The following CSMD1 variants were observed in gnomAD, a reference collection of about 807,000 sequenced individuals.
CSMD1 encodes the protein CUB and sushi domain-containing protein 1.
CSMD1 carries 213 observed loss-of-function variants against 417.5 expected under a neutral mutation model. The observed-to-expected ratio is 0.51, with a 90% confidence interval of 0.46 to 0.57. CSMD1 has a LOEUF of 0.57. CSMD1 is among the 20% of genes least tolerant of loss of function. The pLI, the probability that CSMD1 is intolerant of heterozygous loss-of-function variation, is 0.00. For synonymous variants in CSMD1, 2,862 were observed against 1,736.8 expected (o/e 1.65, Z -16.11); for missense variants, 6,923 against 4,529.7 (o/e 1.53, Z -15.17).
intron 1 of CSMD1, among the ~76,000 whole-genome samples, chr8:4,892,363 T>C (rs1804176713): frequency 6.6e-6 from 1 of 152,080 alleles, no homozygotes; most frequent in African/African-American, 2.4e-5. Context: ...AAAAATGGTG[T>C]GAACAAGAGC....
In CSMD1 at chr8:3,689,711, T is replaced by C. The variant is rs537882498; in HGVS notation, c.1009+18703A>G. On this transcript the variant is annotated intron_variant, in intron 7 of 69. Transcript: ENST00000635120. The stretch of plus-strand genomic sequence containing the variant: ...CGTCAATCCTATGAGTAAAGTACTA[T>C]AATCAATCCCTTTTTAGTGATGAAA... Among the ~76,000 whole-genome samples the C allele has an allele frequency of 7.1e-4, 97 of 136,322 alleles. 1 individual carries two copies. Among genetic ancestry groups the C allele is most frequent in the Middle Eastern group, 7.2e-3 (2 of 278 alleles). The allele number at this position is 136,322 out of a possible 152,430, so 89.4% of individuals were successfully genotyped here.
At chr8:4,040,240 T>C (rs1797817203) in intron 3 of CSMD1, among the ~76,000 whole-genome samples, 1 of 152,246 alleles carries the variant, frequency 6.6e-6, no homozygotes, top group African/African-American at 2.4e-5. Context: ...CACTTCATTA[T>C]TTCTGCCTTA....
intron 5 of CSMD1, among the ~76,000 whole-genome samples, chr8:3,825,230 C>A (rs914379142): frequency 2.0e-5 from 3 of 152,086 alleles, no homozygotes; most frequent in African/African-American, 7.2e-5. Context: ...TCCAAAGTCC[C>A]ATCAAGAGCC....
intron 2 of CSMD1, among the ~76,000 whole-genome samples, chr8:4,455,929 C>CAAAAAAAAAAAAAAAAAAAAAAAAAAA: frequency 8.6e-5 from 1 of 11,648 alleles, no homozygotes; most frequent in Non-Finnish European, 2.1e-4. Context: ...ACTCCAACTC[C>CAAAAAAAAAAAAAAAAAAAAAAAAAAA]AAAAAAAAAA....
At chr8:3,949,489 A>C (rs1444272768) in intron 5 of CSMD1, among the ~76,000 whole-genome samples, 1 of 152,198 alleles carries the variant, frequency 6.6e-6, no homozygotes, top group African/African-American at 2.4e-5. Flanking sequence ...TATAAATTAA[A>C]AGGTTATTAT....
intron 1 of CSMD1, among the ~76,000 whole-genome samples, chr8:4,988,583 T>A (rs921954174): frequency 6.6e-6 from 1 of 152,260 alleles, no homozygotes. Context: ...CTTGGTGGAA[T>A]GTTTACAACA....
chr8:4,455,517 T>G (rs887791608), intron 2 of CSMD1, among the ~76,000 whole-genome samples: 1 of 152,180 alleles, frequency 6.6e-6, no homozygotes, highest in African/African-American at 2.4e-5. Flanking sequence ...TCTCTGCAGC[T>G]GGACCAGAAA....
intron 2 of CSMD1, among the ~76,000 whole-genome samples, chr8:4,574,437 C>A (rs1480630407): frequency 1.3e-5 from 2 of 152,202 alleles, no homozygotes; most frequent in Non-Finnish European, 2.9e-5. Flanking sequence ...CTTCTGCTTA[C>A]CCTCCGTGGG....
chr8:3,192,437 A>C (rs13251009), intron 33 of CSMD1, among the ~76,000 whole-genome samples: 24,193 of 152,134 alleles, frequency 0.16, 2,227 homozygotes, highest in South Asian at 0.21. Context: ...AGTCTGATAC[A>C]CCTTCTACAC....
intron 5 of CSMD1, among the ~76,000 whole-genome samples, chr8:3,817,543 C>T (rs965184954): frequency 6.6e-6 from 1 of 151,836 alleles, no homozygotes; most frequent in African/African-American, 2.4e-5. Context: ...CCTCCCAAAG[C>T]GCAGGGATTG....
At chr8:3,072,567 C>T (rs912956763) in intron 49 of CSMD1, among the ~76,000 whole-genome samples, 5 of 152,152 alleles carry the variant, frequency 3.3e-5, no homozygotes, top group Non-Finnish European at 5.9e-5. Flanking sequence ...TGTTTATGTG[C>T]ATGTGTGCCT....
rs374345635 is a variant in CSMD1 at position 4,133,166 on chromosome 8, G to A, written c.416-101067C>T. On this transcript the variant is annotated intron_variant, in intron 3 of 69. Transcript: ENST00000635120. ...TTGGCCAGGCTGGTCTCAAACTCCTGGCCTTGTGATCTGCCCACCTCATCC... is the reference window on the plus strand; with the variant it reads ...TTGGCCAGGCTGGTCTCAAACTCCTAGCCTTGTGATCTGCCCACCTCATCC... 3.8e-4 allele frequency among the ~76,000 whole-genome samples: 58 copies of A among 152,206 alleles called. 1 individual carries two copies. The highest frequency in any genetic ancestry group is 1.3e-3 in the African/African-American group (53 of 41,538).
At chr8:3,123,705 T>A (rs1197139887) in intron 41 of CSMD1, among the ~76,000 whole-genome samples, 1 of 152,190 alleles carries the variant, frequency 6.6e-6, no homozygotes, top group Non-Finnish European at 1.5e-5. Context: ...GAAGATTTCA[T>A]CCACGAATTA....
At chr8:4,093,004 C>T (rs1800800749) in intron 3 of CSMD1, among the ~76,000 whole-genome samples, 1 of 152,050 alleles carries the variant, frequency 6.6e-6, no homozygotes, top group Non-Finnish European at 1.5e-5. Flanking sequence ...AAAGAAAAGA[C>T]CACTGAGGAA....
At chr8:4,317,236 G>A (rs1318860124) in intron 3 of CSMD1, among the ~76,000 whole-genome samples, 1 of 151,480 alleles carries the variant, frequency 6.6e-6, no homozygotes, top group Non-Finnish European at 1.5e-5. Flanking sequence ...AAGGTAGGCA[G>A]GGAATTTTTC....
intron 6 of CSMD1, among the ~76,000 whole-genome samples, chr8:3,745,125 G>C (rs951871658): frequency 6.6e-6 from 1 of 152,168 alleles, no homozygotes; most frequent in Non-Finnish European, 1.5e-5. Context: ...AGAAAGCAAA[G>C]CTCTTACTAC....
chr8:4,598,284 T>C (rs1800387363), intron 2 of CSMD1, among the ~76,000 whole-genome samples: 2 of 152,208 alleles, frequency 1.3e-5, no homozygotes, highest in South Asian at 4.1e-4. Context: ...ATGATTTGGA[T>C]TTGCTATTTG....
At chr8:3,857,715 T>C (rs936004250) in intron 5 of CSMD1, among the ~76,000 whole-genome samples, 15 of 152,194 alleles carry the variant, frequency 9.9e-5, no homozygotes, top group East Asian at 1.9e-4. Context: ...CCAGGTGTGA[T>C]GATCCATTTA....
intron 3 of CSMD1, among the ~76,000 whole-genome samples, chr8:4,187,866 T>C (rs913399334): frequency 2.0e-5 from 3 of 152,072 alleles, no homozygotes; most frequent in African/African-American, 7.2e-5. Flanking sequence ...TTTTATACTT[T>C]TATTCTCTCA....
Sources: allele counts gnomAD v4.1 joint callset (sites outside exome capture counted in the v4.1 genomes callset), GRCh38; gene constraint gnomAD v4.1.1; transcripts MANE v1.5; gene names NCBI Gene and HGNC (gene_info 2026-07-23, HGNC 2026-07-21).